AFG2A: variants seen among roughly 807,000 people sequenced by gnomAD.
AFG2A encodes the protein AAA ATPase AFG2A.
At chr4:123,041,431 C>T in the AFG2A span, among the ~76,000 whole-genome samples, 27 of 150,404 alleles carry the variant, frequency 1.8e-4, no homozygotes, top group African/African-American at 5.9e-4. Flanking sequence ...TATGATTATT[C>T]TTTTCATGTA....
chr4:123,303,147 A>T, the AFG2A span, among the ~76,000 whole-genome samples: 1 of 152,228 alleles, frequency 6.6e-6, no homozygotes, highest in African/African-American at 2.4e-5. Flanking sequence ...TTATTCAATT[A>T]AAGTTAGAAA....
At chr4:123,278,298 A>G in the AFG2A span, among the ~76,000 whole-genome samples, 110,593 of 151,964 alleles carry the variant, frequency 0.73, 41,314 homozygotes, top group Non-Finnish European at 0.81. Context: ...CTGTGGGATC[A>G]GTGGTAATGT....
chr4:123,187,711 A>G, the AFG2A span, among the ~76,000 whole-genome samples: 2 of 152,184 alleles, frequency 1.3e-5, no homozygotes, highest in Admixed American at 6.5e-5. Flanking sequence ...TTTGAAAAAA[A>G]GAAAACAGGC....
At chr4:123,125,853 T>C in the AFG2A span, among the ~76,000 whole-genome samples, 1 of 152,204 alleles carries the variant, frequency 6.6e-6, no homozygotes, top group East Asian at 1.9e-4. Flanking sequence ...TTTTTTCTGC[T>C]CTATTACCAT....
At chr4:123,035,762 A>T in the AFG2A span, among the ~76,000 whole-genome samples, 1 of 152,132 alleles carries the variant, frequency 6.6e-6, no homozygotes, top group Non-Finnish European at 1.5e-5. Flanking sequence ...TTCCATAAAT[A>T]ACATTTATCT....
the AFG2A span, among the ~76,000 whole-genome samples, chr4:122,928,305 A>G: frequency 6.6e-6 from 1 of 152,080 alleles, no homozygotes; most frequent in African/African-American, 2.4e-5. Flanking sequence ...CATTTTTCAT[A>G]CCTGAGATTC....
the AFG2A span, among the ~76,000 whole-genome samples, chr4:123,038,735 C>T: frequency 6.6e-6 from 1 of 152,084 alleles, no homozygotes; most frequent in East Asian, 1.9e-4. Flanking sequence ...TAACACTTGA[C>T]TTGAATTATT....
At chr4:123,258,976 C>G in the AFG2A span, among the ~76,000 whole-genome samples, 1 of 150,888 alleles carries the variant, frequency 6.6e-6, no homozygotes, top group African/African-American at 2.4e-5. Context: ...AAGCAATTCT[C>G]CTGCCTCAGC....
chr4:123,075,551 C>T, the AFG2A span, among the ~76,000 whole-genome samples: 26 of 152,016 alleles, frequency 1.7e-4, no homozygotes, highest in South Asian at 4.1e-4. Flanking sequence ...CCACCTGCTT[C>T]GGCCTCGCAG....
the AFG2A span, among the ~76,000 whole-genome samples, chr4:123,255,258 C>T: frequency 3.9e-5 from 6 of 152,078 alleles, no homozygotes; most frequent in Admixed American, 6.6e-5. Context: ...CCGTGGCTCA[C>T]GCCTGTAATC....
the AFG2A span, among the ~76,000 whole-genome samples, chr4:123,256,435 A>G: frequency 1.3e-5 from 2 of 152,188 alleles, no homozygotes; most frequent in Non-Finnish European, 2.9e-5. Context: ...ATATAGTGAG[A>G]AGAACACTAG....
At chr4:123,214,537 T>A in the AFG2A span, among the ~76,000 whole-genome samples, 1 of 152,008 alleles carries the variant, frequency 6.6e-6, no homozygotes, top group Non-Finnish European at 1.5e-5. Context: ...GAAAAATTTT[T>A]GGACATTTTT....
chr4:123,115,355 C>A, the AFG2A span, among the ~76,000 whole-genome samples: 2 of 152,080 alleles, frequency 1.3e-5, no homozygotes, highest in African/African-American at 4.8e-5. Flanking sequence ...GTGGCCCGGG[C>A]TGAGCCTCCA....
the AFG2A span, among the ~76,000 whole-genome samples, chr4:123,147,915 C>A: frequency 6.6e-6 from 1 of 151,952 alleles, no homozygotes; most frequent in African/African-American, 2.4e-5. Context: ...TGAGTGAACA[C>A]TTTTTAAAAT....
the AFG2A span, among the ~76,000 whole-genome samples, chr4:122,941,442 A>G: frequency 5.1e-3 from 780 of 151,852 alleles, no homozygotes; most frequent in African/African-American, 0.017. Flanking sequence ...TTTGTCTGTT[A>G]TCGGTGTATA....
the AFG2A span, among the ~76,000 whole-genome samples, chr4:123,208,580 T>A: frequency 6.6e-6 from 1 of 152,230 alleles, no homozygotes; most frequent in Admixed American, 6.5e-5. Context: ...TTAACCTATA[T>A]ACAGTAACTA....
chr4:122,964,790 A>C, the AFG2A span, among the ~76,000 whole-genome samples: 16 of 152,208 alleles, frequency 1.1e-4, no homozygotes, highest in African/African-American at 3.9e-4. Flanking sequence ...GTCACTTATA[A>C]TATAAATAAG....
chr4:123,030,049 G>A, the AFG2A span, among the ~76,000 whole-genome samples: 2 of 152,078 alleles, frequency 1.3e-5, no homozygotes, highest in African/African-American at 4.8e-5. Context: ...GGATGGCTGT[G>A]TTTACTGGCA....
the AFG2A span, chr4:123,028,146 C>A: frequency 6.5e-7 from 1 of 1,547,268 alleles, no homozygotes; most frequent in South Asian, 1.2e-5. Context: ...CTCTGTTTGT[C>A]CTGGCAAAAC....
Sources: gnomAD v4.1 joint callset for allele counts (sites outside exome capture counted in the v4.1 genomes callset) on GRCh38, gnomAD v4.1.1 for gene constraint, MANE v1.5 for transcripts, NCBI Gene and HGNC (gene_info 2026-07-23, HGNC 2026-07-21) for gene names.